Variants in NRXN1 observed in about 807,000 individuals in gnomAD.
NRXN1 encodes the protein neurexin 1, also known as neurexin-1.
A neutral mutation model predicts 150.9 loss-of-function variants in NRXN1; 39 were observed. The ratio of observed to expected loss-of-function variants is 0.26; its 90% CI spans 0.20 to 0.34. NRXN1 has a LOEUF of 0.34. Among genes scored for constraint, NRXN1 ranks in the 10% least tolerant of loss-of-function variants. NRXN1 has a pLI of 1.00. For missense variants in NRXN1, 1,815 were observed against 1,949.9 expected, an observed-to-expected ratio of 0.93 and a Z score of 1.30; for synonymous variants, 924 against 757.0, an observed-to-expected ratio of 1.22 and a Z score of -3.62.
intron 5 of NRXN1, among the ~76,000 whole-genome samples, chr2:50,843,609 G>T (rs573586467): frequency 6.6e-6 from 1 of 152,288 alleles, no homozygotes; most frequent in Admixed American, 6.5e-5. Flanking sequence ...AGCCCATGCA[G>T]TGGTAATTGC....
intron 21 of NRXN1, among the ~76,000 whole-genome samples, chr2:49,999,835 C>T (rs1374432588): frequency 6.6e-6 from 1 of 152,164 alleles, no homozygotes; most frequent in East Asian, 1.9e-4. Flanking sequence ...AATTAACTTA[C>T]ACTAAAATGT....
rs201151714 is a variant in NRXN1 at position 50,465,512 on chromosome 2, G to A, written c.3294C>T (p.Cys1098=). 6.2e-7 allele frequency: 1 copy of A among 1,610,830 alleles called. No homozygotes were observed. Among genetic ancestry groups the A allele is most frequent in the Non-Finnish European group, 8.5e-7 (1 of 1,178,144 alleles). ...QEDSCSNQGV[C]LQQWDGFSCD... ...AGCTGAAGCCATCCCATTGTTGCAA[G>A]CACACACCTTGATTGGAACATGAGT... Residue 1098 remains cysteine, a synonymous_variant, in exon 17 of 23, where the codon TGC becomes TGT. Transcript: ENST00000401669.
At chr2:51,019,160 T>C (rs144665423) in intron 2 of NRXN1, among the ~76,000 whole-genome samples, 2 of 152,050 alleles carry the variant, frequency 1.3e-5, no homozygotes, top group East Asian at 1.9e-4. Context: ...AGTTGTGTCA[T>C]ACAATGGACA....
chr2:50,411,261 C>T (rs1476691736), intron 17 of NRXN1, among the ~76,000 whole-genome samples: 2 of 152,164 alleles, frequency 1.3e-5, no homozygotes, highest in Admixed American at 6.5e-5. Context: ...CTCCTGATGG[C>T]GAGTGATCTG....
At chr2:50,669,507 C>G (rs1467981082) in intron 5 of NRXN1, among the ~76,000 whole-genome samples, 1 of 151,938 alleles carries the variant, frequency 6.6e-6, no homozygotes, top group African/African-American at 2.4e-5. Flanking sequence ...TACAGCATAA[C>G]TATTAACTAA....
At chr2:50,291,099 T>A (rs988137706) in intron 17 of NRXN1, among the ~76,000 whole-genome samples, 47 of 151,234 alleles carry the variant, frequency 3.1e-4, no homozygotes, top group Non-Finnish European at 6.2e-4. Context: ...GGAAAGGGAT[T>A]TTTTATTTTG....
intron 17 of NRXN1, among the ~76,000 whole-genome samples, chr2:50,412,615 T>C (rs2083271172): frequency 6.6e-6 from 1 of 152,140 alleles, no homozygotes; most frequent in Non-Finnish European, 1.5e-5. Flanking sequence ...AATCCTCACT[T>C]GCATTTGCTT....
At chr2:50,724,023 C>G (rs1480983852) in intron 5 of NRXN1, among the ~76,000 whole-genome samples, 2 of 152,186 alleles carry the variant, frequency 1.3e-5, no homozygotes, top group Non-Finnish European at 2.9e-5. Context: ...GGAGCATGCA[C>G]AACATTTCAG....
At chr2:50,794,206 T>C (rs1260773617) in intron 5 of NRXN1, among the ~76,000 whole-genome samples, 1 of 152,092 alleles carries the variant, frequency 6.6e-6, no homozygotes, top group Non-Finnish European at 1.5e-5. Context: ...TGAAACAGGC[T>C]TGACTAGCAA....
chr2:50,540,067 G>C (rs931537486), intron 9 of NRXN1, among the ~76,000 whole-genome samples: 2 of 152,182 alleles, frequency 1.3e-5, no homozygotes, highest in African/African-American at 4.8e-5. Flanking sequence ...CTTTGTCAGG[G>C]AGAAGGGCAT....
At chr2:50,516,301 G>A (rs946959976) in intron 12 of NRXN1, among the ~76,000 whole-genome samples, 1 of 152,128 alleles carries the variant, frequency 6.6e-6, no homozygotes, top group Non-Finnish European at 1.5e-5. Context: ...CACAACACAA[G>A]CTCAGCATAT....
intron 18 of NRXN1, among the ~76,000 whole-genome samples, chr2:50,202,582 A>C (rs1291376203): frequency 6.6e-6 from 1 of 152,174 alleles, no homozygotes; most frequent in Non-Finnish European, 1.5e-5. Context: ...TTGAGAGGCA[A>C]GAAAAGGAAC....
chr2:50,629,280 A>G (rs2104378962), intron 5 of NRXN1, among the ~76,000 whole-genome samples: 1 of 151,902 alleles, frequency 6.6e-6, no homozygotes, highest in African/African-American at 2.4e-5. Flanking sequence ...ATATTAAATA[A>G]CAATGTGAAT....
At chr2:50,402,143 T>G (rs976281204) in intron 17 of NRXN1, among the ~76,000 whole-genome samples, 1 of 152,076 alleles carries the variant, frequency 6.6e-6, no homozygotes, top group African/African-American at 2.4e-5. Flanking sequence ...AAAATAAAAT[T>G]AATCTGTAGC....
intron 5 of NRXN1, among the ~76,000 whole-genome samples, chr2:50,835,072 A>C (rs1018546464): frequency 2.0e-5 from 3 of 152,190 alleles, no homozygotes; most frequent in Non-Finnish European, 4.4e-5. Context: ...AGACAACCTC[A>C]GACAGCCCAG....
At chr2:50,985,438 T>G (rs1206874720) in intron 2 of NRXN1, 1 of 151,766 alleles carries the variant, frequency 6.6e-6, no homozygotes, top group Non-Finnish European at 1.5e-5. Flanking sequence ...TAGAAGAGTA[T>G]GGAGAGATGG....
In NRXN1 at chr2:50,098,830, G is replaced by GTTTTTTTTTTTTTTTTT. The variant is rs746736925; in HGVS notation, c.3547-7353_3547-7337dup. ...GTGCATGGTTTTGTTTTTGGTTTTA[G>GTTTTTTTTTTTTTTTTT]TTTTTTTTTTTTTTTTTTTTTTTTT... On this transcript the variant is annotated intron_variant, in intron 18 of 22. Coordinates refer to ENST00000401669, the MANE Select transcript of NRXN1 (RefSeq NM_001330078.2). 2.2e-4 allele frequency among the ~76,000 whole-genome samples: 23 copies of GTTTTTTTTTTTTTTTTT among 105,564 alleles called. 2 individuals carry two copies. The highest frequency in any genetic ancestry group is 2.9e-4 in the Non-Finnish European group (15 of 51,622). The allele number at this position is 105,564 out of a possible 152,430, so 69.3% of individuals were successfully genotyped here. A position where few individuals can be genotyped will look rare whatever the true frequency, so the allele number is the denominator to read the frequency against.
chr2:50,984,846 T>A (rs1445662067), intron 2 of NRXN1, among the ~76,000 whole-genome samples: 1 of 152,062 alleles, frequency 6.6e-6, no homozygotes, highest in African/African-American at 2.4e-5. Flanking sequence ...AGTAATTAGT[T>A]TGTATTTACC....
At chr2:50,919,115 C>T (rs1685628656) in intron 5 of NRXN1, 1 of 151,748 alleles carries the variant, frequency 6.6e-6, no homozygotes, top group South Asian at 2.1e-4. Flanking sequence ...TGAGTAAACT[C>T]GTGTTTAATT....
Sources: gnomAD v4.1 joint callset for allele counts (sites outside exome capture counted in the v4.1 genomes callset) on GRCh38, gnomAD v4.1.1 for gene constraint, MANE v1.5 for transcripts, NCBI Gene and HGNC (gene_info 2026-07-23, HGNC 2026-07-21) for gene names.